Variants in KBTBD3 observed in about 807,000 individuals in gnomAD.
The protein encoded by KBTBD3 is kelch repeat and BTB domain-containing protein 3.
Under a neutral mutation model 49.6 loss-of-function variants are expected in KBTBD3, and 38 were observed. That is an observed-to-expected ratio of 0.77 (90% CI 0.59 to 1.00). The LOEUF is 1.00. Among genes scored for constraint, KBTBD3 ranks in the 50% least tolerant of loss-of-function variants. KBTBD3 has a pLI of 0.00. For missense variants in KBTBD3, 661 were observed against 712.0 expected (o/e 0.93, Z 0.81); for synonymous variants, 214 against 250.4 (o/e 0.85, Z 1.37).
intron 2 of KBTBD3, among the ~76,000 whole-genome samples, chr11:106,067,744 G>A (rs1591538081): frequency 6.6e-6 from 1 of 151,848 alleles, no homozygotes; most frequent in East Asian, 1.9e-4. Context: ...AGAATAAACA[G>A]AAAACAGAAA....
Position 106,051,329 on chromosome 11 carries a change from A to G in KBTBD3, c.*1521T>C, listed in dbSNP as rs1395042765. 2 of 151,948 alleles carry G rather than the reference A, an allele frequency of 1.3e-5. No homozygotes were observed. Among genetic ancestry groups the G allele is most frequent in the Non-Finnish European group, 2.9e-5 (2 of 67,892 alleles). 9.4% of individuals were successfully genotyped at this position (151,948 alleles called of 1,614,324 possible). The stretch of plus-strand genomic sequence containing the variant: ...GCTTAGATAAGAAGGCCACCAATAA[A>G]TACGTCATCTAATCAGGAACAGTCC... On this transcript the variant is annotated 3_prime_UTR_variant, in exon 4 of 4. Coordinates refer to ENST00000531837, the MANE Select transcript of KBTBD3 (RefSeq NM_198439.3).
intron 2 of KBTBD3, among the ~76,000 whole-genome samples, chr11:106,074,593 C>T (rs1860993474): frequency 6.6e-6 from 1 of 152,166 alleles, no homozygotes; most frequent in Non-Finnish European, 1.5e-5. Context: ...GGCAATGTAA[C>T]ATAAGAATTA....
At chr11:106,063,562 A>AT (rs907674451) in intron 2 of KBTBD3, among the ~76,000 whole-genome samples, 112 of 152,266 alleles carry the variant, frequency 7.4e-4, no homozygotes, top group Admixed American at 6.5e-3. Context: ...ATAACTTCTA[A>AT]TTTTTTATTA....
Position 106,053,083 on chromosome 11 carries a change from A to T in KBTBD3, c.1606T>A (p.Ser536Thr), listed in dbSNP as rs142101858. 3.2e-3 allele frequency: 5,156 copies of T among 1,613,756 alleles called. 11 individuals are homozygous for T. The highest frequency in any genetic ancestry group is 4.1e-3 in the Non-Finnish European group (4,783 of 1,179,800). Residue 536 changes from serine (S) to threonine (T), a missense_variant, in exon 4 of 4, where the codon TCT becomes ACT. By Grantham distance (58) the Ser-to-Thr change is moderately conservative. Coordinates refer to ENST00000531837, the MANE Select transcript of KBTBD3 (RefSeq NM_198439.3). ...GCATTAAAGCCTGCACACTCAAAAG[A>T]TCCTTCGCCTTTCCAAACACAAGTG... ...PDTCVWKGEG[S>T]FECAGFNAGA...
At chr11:106,064,958 T>C (rs1170623470) in intron 2 of KBTBD3, among the ~76,000 whole-genome samples, 1 of 152,190 alleles carries the variant, frequency 6.6e-6, no homozygotes, top group Non-Finnish European at 1.5e-5. Flanking sequence ...AGATAGGTTA[T>C]CTCCTACAAC....
chr11:106,058,396 C>A (rs1375967453), intron 3 of KBTBD3, among the ~76,000 whole-genome samples: 1 of 146,828 alleles, frequency 6.8e-6, no homozygotes, highest in Non-Finnish European at 1.5e-5. Context: ...AAAAAAAAAT[C>A]ATTAGTTAAT....
Position 106,071,853 on chromosome 11 carries a change from T to C in KBTBD3, c.-13+4654A>G, listed in dbSNP as rs7114022. On this transcript the variant is annotated intron_variant, in intron 2 of 3. Transcript: ENST00000531837. ...CTGTTGTGAGACTTAAATGATACAATGAATATTAAGTTAATATCGTCAAAT... is the reference window on the plus strand; with the variant it reads ...CTGTTGTGAGACTTAAATGATACAACGAATATTAAGTTAATATCGTCAAAT... Among the ~76,000 whole-genome samples, 1,356 of 152,276 alleles carry C rather than the reference T, an allele frequency of 8.9e-3. 24 individuals carry two copies. The highest frequency in any genetic ancestry group is 0.031 in the African/African-American group (1,308 of 41,560).
intron 3 of KBTBD3, chr11:106,057,891 T>G (rs573550280): frequency 1.0e-5 from 4 of 386,032 alleles, no homozygotes; most frequent in Non-Finnish European, 1.8e-5. Context: ...CTTCAAATTT[T>G]GCTTCCATTT....
rs1185016052 is a variant in KBTBD3 at position 106,053,008 on chromosome 11, C to T, written c.1681G>A (p.Ala561Thr). The T allele has an allele frequency of 2.5e-6, 4 of 1,613,646 alleles. No individual in the cohort carries two copies. The highest frequency in any genetic ancestry group is 3.4e-6 in the Non-Finnish European group (4 of 1,179,690). ...DKIYILGGDY[A>T]PDEITDEVQV... Reference sequence around the variant, plus strand: ...ACTTCATCTGTGATTTCATCTGGTGCATAATCACCACCTAATATATAAATT... The same window carrying T: ...ACTTCATCTGTGATTTCATCTGGTGTATAATCACCACCTAATATATAAATT... The change falls in exon 4 of 4, where the codon GCA becomes ACA. Residue 561 changes from alanine (A) to threonine (T), a missense_variant. Ala to Thr is a moderately conservative substitution (Grantham distance 58). Coordinates refer to ENST00000531837, the MANE Select transcript of KBTBD3 (RefSeq NM_198439.3).
At chr11:106,059,604 T>C (rs1860640598) in intron 2 of KBTBD3, among the ~76,000 whole-genome samples, 1 of 152,210 alleles carries the variant, frequency 6.6e-6, no homozygotes, top group Admixed American at 6.5e-5. Flanking sequence ...TTGAAAAAGA[T>C]CAGTGTTAGA....
In KBTBD3 at chr11:106,053,440, C is replaced by T. The variant is rs762667549; in HGVS notation, c.1249G>A (p.Asp417Asn). ...VIGGKTRGSRDIKSLLDVESY... is the reference protein window; with the variant it reads ...VIGGKTRGSRNIKSLLDVESY... ...TCAACATCTAAGAGACTTTTAATGT[C>T]CCGGGATCCTCTAGTTTTTCCACCT... Residue 417 changes from aspartate (D) to asparagine (N), a missense_variant, in exon 4 of 4, where the codon GAC becomes AAC. Physicochemically the swap from Asp to Asn is conservative, Grantham distance 23. Transcript: ENST00000531837. 2 of 1,613,408 alleles carry T rather than the reference C, an allele frequency of 1.2e-6. No individual in the cohort carries two copies. Among genetic ancestry groups the T allele is most frequent in the South Asian group, 2.2e-5 (2 of 91,056 alleles).
chr11:106,062,221 G>T (rs1860713140), intron 2 of KBTBD3, among the ~76,000 whole-genome samples: 1 of 152,130 alleles, frequency 6.6e-6, no homozygotes, highest in Non-Finnish European at 1.5e-5. Context: ...GAGGAAGAGA[G>T]ATAATGAAAG....
chr11:106,058,799 G>A (rs1460771775), intron 3 of KBTBD3, 66 bp downstream of exon 3: 3 of 869,326 alleles, frequency 3.5e-6, no homozygotes, highest in African/African-American at 1.8e-5. Context: ...AAAAACTTGA[G>A]TGCAGTATAA....
chr11:106,061,625 G>T (rs571410929), intron 2 of KBTBD3, among the ~76,000 whole-genome samples: 3 of 152,086 alleles, frequency 2.0e-5, no homozygotes, highest in Admixed American at 6.6e-5. Context: ...GAATAAGAAA[G>T]AACTCTTTCT....
At chr11:106,063,261 T>G (rs1860739813) in intron 2 of KBTBD3, among the ~76,000 whole-genome samples, 3 of 152,306 alleles carry the variant, frequency 2.0e-5, no homozygotes, top group South Asian at 2.1e-4. Context: ...TCAGACAATA[T>G]CCAAATAAGG....
intron 3 of KBTBD3, among the ~76,000 whole-genome samples, chr11:106,056,405 T>C (rs944485213): frequency 2.0e-5 from 3 of 152,120 alleles, no homozygotes; most frequent in Non-Finnish European, 1.5e-5. Context: ...TGTGCAAAAA[T>C]TATATGTAAA....
chr11:106,058,378 C>G (rs1312538323), intron 3 of KBTBD3, among the ~76,000 whole-genome samples: 1 of 127,844 alleles, frequency 7.8e-6, no homozygotes, highest in Admixed American at 7.4e-5. Context: ...GAGACTCCCT[C>G]TAAAAAAAAA....
At chr11:106,064,316 C>T (rs539889178) in intron 2 of KBTBD3, among the ~76,000 whole-genome samples, 15 of 151,998 alleles carry the variant, frequency 9.9e-5, no homozygotes, top group South Asian at 8.4e-4. Flanking sequence ...GAGGCCGAGG[C>T]GGGTGGATCA....
intron 2 of KBTBD3, among the ~76,000 whole-genome samples, chr11:106,072,335 C>T (rs1327874159): frequency 6.6e-6 from 1 of 152,048 alleles, no homozygotes; most frequent in African/African-American, 2.4e-5. Context: ...TCATATTGTT[C>T]TTTGTATGTA....
Sources: gnomAD v4.1 joint callset for allele counts (sites outside exome capture counted in the v4.1 genomes callset) on GRCh38, gnomAD v4.1.1 for gene constraint, MANE v1.5 for transcripts, NCBI Gene and HGNC (gene_info 2026-07-23, HGNC 2026-07-21) for gene names.